The following QSER1 variants were observed in gnomAD, a reference collection of about 807,000 sequenced individuals.
QSER1 encodes glutamine and serine rich 1.
A neutral mutation model predicts 158.5 loss-of-function variants in QSER1; 49 were observed. The ratio of observed to expected loss-of-function variants is 0.31; its 90% CI spans 0.25 to 0.39. The LOEUF is 0.39. Ranked by LOEUF, QSER1 falls within the 10% of genes least tolerant of loss-of-function variation. The pLI, the probability that QSER1 is intolerant of heterozygous loss-of-function variation, is 1.00. For synonymous variants in QSER1, 650 were observed against 715.5 expected (o/e 0.91, Z 1.46); for missense variants, 1,754 against 2,010.3 (o/e 0.87, Z 2.44).
chr11:32,924,496 G>A (rs1290350368), intron 1 of QSER1, among the ~76,000 whole-genome samples: 2 of 150,730 alleles, frequency 1.3e-5, no homozygotes, highest in African/African-American at 4.9e-5. Flanking sequence ...GGAAGTGGAG[G>A]CTGTAGTGAG....
In QSER1 at chr11:32,962,551, T is replaced by G. The variant is rs74911165; in HGVS notation, c.4970-3749T>G. 8.7e-4 allele frequency among the ~76,000 whole-genome samples: 132 copies of G among 152,334 alleles called. 2 individuals are homozygous for G. The East Asian group carries it at 0.022, about 25-fold the overall frequency. On this transcript the variant is annotated intron_variant, in intron 8 of 12. Transcript: ENST00000650167. Reference sequence around the variant, plus strand: ...CCCAATTTACTTATTTTTTCTTTTGTTACTCAGCTTTTGTTCACATAGAAT... The same window carrying G: ...CCCAATTTACTTATTTTTTCTTTTGGTACTCAGCTTTTGTTCACATAGAAT...
intron 1 of QSER1, among the ~76,000 whole-genome samples, chr11:32,905,521 G>A (rs915775433): frequency 1.1e-4 from 17 of 151,164 alleles, no homozygotes; most frequent in African/African-American, 4.2e-4. Context: ...GGAAGGATGG[G>A]AATTAAGTAG....
chr11:32,956,844 C>T (rs1047873606), intron 7 of QSER1, among the ~76,000 whole-genome samples: 10 of 152,176 alleles, frequency 6.6e-5, no homozygotes, highest in Non-Finnish European at 1.3e-4. Flanking sequence ...GGCATGATCA[C>T]GGCACTGCAG....
rs776051259 is a variant in QSER1, at chr11:32,970,946, CTTTTT to C, written c.5205+1823_5205+1827del. ...GATAATTGTCATATAAAGCAATTTG[CTTTTT>C]TTTTTTTTTTTTTTTTTTTGAGACA... On this transcript the variant is annotated intron_variant, in intron 10 of 12. Coordinates refer to ENST00000650167, the MANE Select transcript of QSER1 (RefSeq NM_001076786.3). Among the ~76,000 whole-genome samples the C allele has an allele frequency of 1.6e-4, 12 of 76,900 alleles. No homozygotes were observed. In the South Asian group the frequency reaches 4.8e-3, roughly 31 times the overall value. 50.4% of individuals were successfully genotyped at this position (76,900 alleles called of 152,430 possible).
intron 8 of QSER1, among the ~76,000 whole-genome samples, chr11:32,964,854 G>A (rs1852709725): frequency 6.6e-6 from 1 of 150,682 alleles, no homozygotes; most frequent in African/African-American, 2.4e-5. Flanking sequence ...TTAAGGGTGT[G>A]ACTTGATTAT....
intron 4 of QSER1, 91 bp downstream of exon 4, chr11:32,935,526 G>A (rs1377110093): frequency 6.4e-6 from 6 of 944,486 alleles, no homozygotes; most frequent in Non-Finnish European, 9.3e-6. Flanking sequence ...CTTAAAGCAG[G>A]TCTGCAAGTA....
intron 1 of QSER1, among the ~76,000 whole-genome samples, chr11:32,908,888 A>G (rs1269978474): frequency 6.6e-6 from 1 of 152,172 alleles, no homozygotes; most frequent in Non-Finnish European, 1.5e-5. Context: ...GGCCAGGCAC[A>G]GTGATTCACG....
At chr11:32,945,386 T>G (rs1249100872) in intron 4 of QSER1, among the ~76,000 whole-genome samples, 2 of 151,602 alleles carry the variant, frequency 1.3e-5, no homozygotes, top group Non-Finnish European at 1.5e-5. Flanking sequence ...GGTTGTTCCT[T>G]TCCATGTTTA....
At chr11:32,909,244 A>G (rs567962073) in intron 1 of QSER1, among the ~76,000 whole-genome samples, 1 of 152,122 alleles carries the variant, frequency 6.6e-6, no homozygotes, top group East Asian at 1.9e-4. Flanking sequence ...TTGCTCATTC[A>G]TTTCTTGAAA....
chr11:32,925,528 T>A (rs1851958015), intron 1 of QSER1, among the ~76,000 whole-genome samples: 1 of 149,052 alleles, frequency 6.7e-6, no homozygotes, highest in African/African-American at 2.4e-5. Context: ...ATTTATTTAT[T>A]TATTTATTTA....
At chr11:32,969,741 G>A (rs1468816277) in intron 10 of QSER1, among the ~76,000 whole-genome samples, 1 of 145,052 alleles carries the variant, frequency 6.9e-6, no homozygotes, top group African/African-American at 2.6e-5. Flanking sequence ...CTACATTGCA[G>A]TGGCACAACC....
rs1233781294 is a variant in QSER1 at position 32,935,222 on chromosome 11, C to G, written c.3964C>G (p.Pro1322Ala). ...TCGTACATTTTGTCCCCCACCACTT[C>G]CCAAGCCTTCATCTACAACACCCAC... is the stretch of plus-strand genomic sequence containing the variant. ...MVRTFCPPPL[P>A]KPSSTTPTPL... Residue 1322 changes from proline to alanine, a missense_variant, in exon 4 of 13, where the codon CCC becomes GCC. Pro to Ala is a conservative substitution (Grantham distance 27, BLOSUM62 -1). This residue lies in a region of QSER1 where 1,707 missense variants were observed against 1,919.6 expected (regional missense o/e 0.89). Transcript: ENST00000650167. 6.2e-7 allele frequency: 1 copy of G among 1,613,826 alleles called. No homozygotes were observed. Among genetic ancestry groups the G allele is most frequent in the African/African-American group, 1.3e-5 (1 of 74,924 alleles).
chr11:32,967,215 A>C (rs1852765246), intron 9 of QSER1, among the ~76,000 whole-genome samples: 1 of 152,196 alleles, frequency 6.6e-6, no homozygotes, highest in Non-Finnish European at 1.5e-5. Context: ...TTCTAACTGA[A>C]GTAACTCAGG....
intron 2 of QSER1, 118 bp from the exon 3 acceptor site, chr11:32,927,844 G>A: frequency 2.4e-6 from 1 of 414,028 alleles, no homozygotes; most frequent in Non-Finnish European, 4.2e-6. Flanking sequence ...AAACCATCTG[G>A]GGTTGTAGAA....
At chr11:32,900,281 G>C (rs939072558) in intron 1 of QSER1, among the ~76,000 whole-genome samples, 1 of 152,168 alleles carries the variant, frequency 6.6e-6, no homozygotes, top group African/African-American at 2.4e-5. Context: ...CAATGACTTG[G>C]TCAGGTGTGG....
In QSER1 at chr11:32,933,643, T is replaced by C. The variant is rs143852134; in HGVS notation, c.2385T>C (p.Thr795=). 417 of 1,613,520 alleles carry C rather than the reference T, an allele frequency of 2.6e-4. 2 individuals are homozygous for C. The African/African-American group carries it at 5.1e-3, about 20-fold the overall frequency. Residue 795 remains threonine, a synonymous_variant, in exon 4 of 13, where the codon ACT becomes ACC. Coordinates refer to ENST00000650167, the MANE Select transcript of QSER1 (RefSeq NM_001076786.3). ...AGAACTCAACTAATTTAATACAGAC[T>C]CCACAAATAAGGTTGAATACTAAAG... is the stretch of plus-strand genomic sequence containing the variant. ...DLKNSTNLIQ[T]PQIRLNTKDL...
chr11:32,910,881 T>C (rs1325477370), intron 1 of QSER1, among the ~76,000 whole-genome samples: 3 of 152,232 alleles, frequency 2.0e-5, no homozygotes, highest in Non-Finnish European at 4.4e-5. Context: ...TTGTTCCAGT[T>C]GGCTTTTTCT....
Position 32,933,549 on chromosome 11 carries a change from T to G in QSER1, c.2291T>G (p.Val764Gly), listed in dbSNP as rs200064259. ...ALQASKKEES[V>G]VGSVTQLNQQ... ...CAAGCATCAAAAAAAGAAGAAAGTGTTGTTGGTTCAGTGACACAACTTAAC... is the reference window on the plus strand; with the variant it reads ...CAAGCATCAAAAAAAGAAGAAAGTGGTGTTGGTTCAGTGACACAACTTAAC... The change falls in exon 4 of 13, where the codon GTT becomes GGT. Residue 764 changes from valine to glycine, a missense_variant. Transcript: ENST00000650167. 102 of 1,613,796 alleles carry G rather than the reference T, an allele frequency of 6.3e-5. No homozygotes were observed. The highest frequency in any genetic ancestry group is 2.5e-4 in the African/African-American group (19 of 75,026).
intron 3 of QSER1, among the ~76,000 whole-genome samples, chr11:32,930,988 G>A (rs866977120): frequency 1.4e-4 from 22 of 152,230 alleles, no homozygotes; most frequent in Admixed American, 3.3e-4. Flanking sequence ...TGAAATGCAA[G>A]AGATTTTTAA....
Sources: gnomAD v4.1 joint callset for allele counts (sites outside exome capture counted in the v4.1 genomes callset) on GRCh38, gnomAD v4.1.1 for gene constraint, gnomAD v4.1.1 regional missense constraint, MANE v1.5 for transcripts, NCBI Gene and HGNC (gene_info 2026-07-23, HGNC 2026-07-21) for gene names.